The following TRMT44 variants were observed in gnomAD, a reference collection of about 807,000 sequenced individuals.
TRMT44 encodes the protein probable tRNA (uracil-O(2)-)-methyltransferase.
In TRMT44, 78 loss-of-function variants were observed where a neutral mutation model predicts 77.3. The ratio of observed to expected loss-of-function variants is 1.01; its 90% CI spans 0.84 to 1.22. TRMT44 has a LOEUF of 1.22. Ranked by LOEUF, TRMT44 falls within the 50% of genes most tolerant of loss-of-function variation. TRMT44 has a pLI of 0.00. For synonymous variants in TRMT44, 391 were observed against 383.3 expected, an observed-to-expected ratio of 1.02 and a Z score of -0.23; for missense variants, 1,090 against 964.4, an observed-to-expected ratio of 1.13 and a Z score of -1.73.
chr4:8,469,328 T>G (rs1435074091), intron 9 of TRMT44, among the ~76,000 whole-genome samples: 1 of 152,174 alleles, frequency 6.6e-6, no homozygotes, highest in Non-Finnish European at 1.5e-5. Context: ...GTGGGGCCTC[T>G]GGGTTGGCCC....
the TRMT44 span, among the ~76,000 whole-genome samples, chr4:8,516,367 A>G: frequency 6.6e-6 from 1 of 152,150 alleles, no homozygotes; most frequent in East Asian, 1.9e-4. Flanking sequence ...ACCCCAGAGG[A>G]GCTGACTCGC....
chr4:8,477,354 TGTGCCAGGAG>T (rs907804503), downstream of TRMT44: 1 of 152,276 alleles, frequency 6.6e-6, no homozygotes, highest in African/African-American at 2.4e-5. Flanking sequence ...AGGCTGAGGA[TGTGCCAGGAG>T]GTGCCTGGCC....
intron 8 of TRMT44, among the ~76,000 whole-genome samples, chr4:8,467,014 A>G (rs932179688): frequency 2.0e-5 from 3 of 152,216 alleles, no homozygotes; most frequent in African/African-American, 7.2e-5. Flanking sequence ...GAGGAAGCCC[A>G]GAAATGAGGT....
In TRMT44 at chr4:8,464,065, A is replaced by G. The variant is rs779782434; in HGVS notation, c.1284A>G (p.Thr428=). 28 of 1,613,886 alleles carry G rather than the reference A, an allele frequency of 1.7e-5. No homozygotes were observed. Among genetic ancestry groups the G allele is most frequent in the Non-Finnish European group, 2.1e-5 (25 of 1,179,956 alleles). The change falls in exon 7 of 11, where the codon ACA becomes ACG. Residue 428 remains threonine, a synonymous_variant. Transcript: ENST00000389737. The part of the protein sequence containing the change: ...WLIGNHSDEL[T]PWIPVIAARS... ...TCGGTAACCATTCTGATGAACTCAC[A>G]CCATGGATACCTGTCATTGCAGCCA... is the stretch of plus-strand genomic sequence containing the variant.
At chr4:8,508,032 G>A in the TRMT44 span, among the ~76,000 whole-genome samples, 9 of 152,270 alleles carry the variant, frequency 5.9e-5, no homozygotes, top group South Asian at 1.0e-3. Context: ...TCAGCCTCCC[G>A]AGTAGCTGAG....
chr4:8,479,136 CGGGCCTTGTGCAGAA>C (rs1040461336), downstream of TRMT44: 1 of 152,154 alleles, frequency 6.6e-6, no homozygotes, highest in Non-Finnish European at 1.5e-5. Flanking sequence ...ACGAGGAACC[CGGGCCTTGTGCAGAA>C]GAGCCTTGTG....
chr4:8,514,824 C>T, the TRMT44 span, among the ~76,000 whole-genome samples: 3 of 152,206 alleles, frequency 2.0e-5, no homozygotes, highest in Non-Finnish European at 4.4e-5. Flanking sequence ...CCTGCAAAGG[C>T]CCCCAAGCTC....
At chr4:8,504,964 C>A in the TRMT44 span, among the ~76,000 whole-genome samples, 5 of 152,194 alleles carry the variant, frequency 3.3e-5, no homozygotes, top group African/African-American at 1.2e-4. This position sits in a 1 kb window ranked among gnomAD's most constrained non-coding sequence, Gnocchi z 5.3. Context: ...CTGGTCATTA[C>A]TCACCTTCTG....
chr4:8,470,908 G>A (rs1349492146), intron 9 of TRMT44, 176 bp from the exon 10 acceptor site: 23 of 541,796 alleles, frequency 4.2e-5, no homozygotes, highest in South Asian at 2.8e-4. Context: ...GGGACGCCAC[G>A]GCCCTCACGG....
At chr4:8,509,180 T>G in the TRMT44 span, 3 of 150,526 alleles carry the variant, frequency 2.0e-5, no homozygotes, top group Admixed American at 1.3e-4. Flanking sequence ...AAAGAGATCC[T>G]TTGCAGCCCT....
In TRMT44 at chr4:8,452,050, G is replaced by C. The variant is rs1174405348; in HGVS notation, c.1023+22G>C. ...GCTGGTAAGGGTGTAAGCGACCTCA[G>C]CTTCTCTGGAGTGGGTGGAGTTTGC... On this transcript the variant is annotated intron_variant, in intron 4 of 10. Transcript: ENST00000389737. This position sits in a 1 kb window ranked among gnomAD's most constrained non-coding sequence, Gnocchi z 5.7. 2 of 1,534,902 alleles carry C rather than the reference G, an allele frequency of 1.3e-6. No individual in the cohort carries two copies. The highest frequency in any genetic ancestry group is 2.7e-5 in the African/African-American group (2 of 73,008).
chr4:8,465,636 C>T (rs1726489562), intron 8 of TRMT44, 75 bp downstream of exon 8: 1 of 1,309,036 alleles, frequency 7.6e-7, no homozygotes, highest in Non-Finnish European at 1.1e-6. Flanking sequence ...TGCCACAGAG[C>T]CATGAACCAT....
downstream of TRMT44, among the ~76,000 whole-genome samples, chr4:8,493,804 G>A (rs1728081147): frequency 6.6e-6 from 1 of 151,838 alleles, no homozygotes; most frequent in Admixed American, 6.6e-5. Flanking sequence ...TGCTCATCAG[G>A]GCCACAGCTC....
the TRMT44 span, among the ~76,000 whole-genome samples, chr4:8,498,711 G>T: frequency 6.6e-6 from 1 of 152,272 alleles, no homozygotes; most frequent in African/African-American, 2.4e-5. This position sits in a 1 kb window ranked among gnomAD's most constrained non-coding sequence, Gnocchi z 4.3. Context: ...CTCATTCCCA[G>T]CTGCCTGTGT....
intron 8 of TRMT44, 21 bp from the exon 9 acceptor site, chr4:8,467,893 C>T (rs1309280340): frequency 1.9e-6 from 3 of 1,573,926 alleles, no homozygotes; most frequent in South Asian, 1.2e-5. Flanking sequence ...AAAATACTTG[C>T]TTTGCTTTCT....
At chr4:8,514,190 C>T in the TRMT44 span, among the ~76,000 whole-genome samples, 3 of 150,896 alleles carry the variant, frequency 2.0e-5, no homozygotes, top group African/African-American at 7.3e-5. Context: ...GCACCTGGCA[C>T]ATATCACTGC....
At chr4:8,513,743 A>C in the TRMT44 span, among the ~76,000 whole-genome samples, 1 of 152,234 alleles carries the variant, frequency 6.6e-6, no homozygotes, top group African/African-American at 2.4e-5. Context: ...GACACATCAC[A>C]AAAGAGCATA....
chr4:8,475,174 C>T (rs1454787399), intron 10 of TRMT44, among the ~76,000 whole-genome samples: 8 of 152,226 alleles, frequency 5.3e-5, no homozygotes, highest in African/African-American at 7.2e-5. Context: ...GCACCAGCCC[C>T]GTCCTTAGAC....
At chr4:8,468,417 G>T in intron 9 of TRMT44, 71 bp downstream of exon 9, 1 of 1,463,150 alleles carries the variant, frequency 6.8e-7, no homozygotes. Context: ...CACGTCTTCA[G>T]AACCGACATG....
Sources: allele counts gnomAD v4.1 joint callset (sites outside exome capture counted in the v4.1 genomes callset), GRCh38; gene constraint gnomAD v4.1.1; non-coding constraint Gnocchi (gnomAD v3.1); transcripts MANE v1.5; gene names NCBI Gene and HGNC (gene_info 2026-07-23, HGNC 2026-07-21).